The following MYO5B variants were observed in gnomAD, a reference collection of about 807,000 sequenced individuals.
MYO5B encodes myosin VB.
In MYO5B, 143 loss-of-function variants were observed where a neutral mutation model predicts 229.3. That is an observed-to-expected ratio of 0.62 (90% CI 0.54 to 0.72). MYO5B has a LOEUF of 0.72. Ranked by LOEUF, MYO5B falls within the 30% of genes least tolerant of loss-of-function variation. The pLI is 0.00. For synonymous variants in MYO5B, 918 were observed against 885.2 expected, an observed-to-expected ratio of 1.04 and a Z score of -0.66; for missense variants, 2,321 against 2,331.0, an observed-to-expected ratio of 1.00 and a Z score of 0.09.
chr18:50,121,071 T>C (rs552745464), intron 1 of MYO5B, among the ~76,000 whole-genome samples: 164 of 152,304 alleles, frequency 1.1e-3, no homozygotes, highest in South Asian at 4.6e-3. Context: ...ATATCTGAGA[T>C]GCTTTCCCTT....
At chr18:49,918,031 T>C (rs891233718) in intron 17 of MYO5B, among the ~76,000 whole-genome samples, 9 of 152,200 alleles carry the variant, frequency 5.9e-5, no homozygotes, top group African/African-American at 1.9e-4. Context: ...TCTGGAAAGA[T>C]GTTTCCTTGT....
chr18:49,934,596 C>G (rs1041318443), intron 16 of MYO5B, among the ~76,000 whole-genome samples: 1 of 152,206 alleles, frequency 6.6e-6, no homozygotes, highest in African/African-American at 2.4e-5. Flanking sequence ...CTGCACAGCA[C>G]TCTGCCCTTC....
rs755540100 is a variant in MYO5B, at chr18:49,853,490, C to T, written c.4180G>A (p.Gly1394Ser). The part of the protein sequence containing the change: ...LLSPEAQVEF[G>S]VQQEISRLTN... Reference sequence around the variant, plus strand: ...AGCCGGGATATTTCCTGCTGAACGCCGAATTCCACCTGGGCCTCTGGGGAG... The same window carrying T: ...AGCCGGGATATTTCCTGCTGAACGCTGAATTCCACCTGGGCCTCTGGGGAG... Residue 1394 changes from glycine (G) to serine (S), a missense_variant, in exon 31 of 40, where the codon GGC (glycine) becomes AGC (serine). Gly to Ser is a moderately conservative substitution (Grantham distance 56, BLOSUM62 0). This residue lies in a region of MYO5B where 2,113 missense variants were observed against 2,044.7 expected (regional missense o/e 1.03). Coordinates refer to ENST00000285039, the MANE Select transcript of MYO5B (RefSeq NM_001080467.3). 20 of 1,614,164 alleles carry T rather than the reference C, an allele frequency of 1.2e-5. No individual in the cohort carries two copies. The highest frequency in any genetic ancestry group is 2.2e-5 in the South Asian group (2 of 91,076).
chr18:50,171,394 G>C (rs115278317), intron 1 of MYO5B, among the ~76,000 whole-genome samples: 2,863 of 127,178 alleles, frequency 0.023, 779 homozygotes, highest in African/African-American at 0.081. Context: ...AGGGCTTATA[G>C]AGAAGCTGCA....
At chr18:49,852,917 T>G (rs2024218367) in intron 31 of MYO5B, among the ~76,000 whole-genome samples, 1 of 152,230 alleles carries the variant, frequency 6.6e-6, no homozygotes, top group South Asian at 2.1e-4. Flanking sequence ...CTTCCCCTAC[T>G]GACCAATCTG....
chr18:49,962,637 T>C (rs2025573141), intron 11 of MYO5B, among the ~76,000 whole-genome samples: 1 of 152,166 alleles, frequency 6.6e-6, no homozygotes, highest in South Asian at 2.1e-4. Context: ...AGTTGCCGTA[T>C]TCCCATTCAA....
chr18:49,966,260 C>T (rs2025624377), intron 10 of MYO5B, among the ~76,000 whole-genome samples: 1 of 152,158 alleles, frequency 6.6e-6, no homozygotes, highest in Non-Finnish European at 1.5e-5. Flanking sequence ...TGGAGACAAA[C>T]CACATTAAAG....
At chr18:49,861,763 CCTT>C (rs2024332646) in intron 29 of MYO5B, among the ~76,000 whole-genome samples, 1 of 152,126 alleles carries the variant, frequency 6.6e-6, no homozygotes. Flanking sequence ...GCCTCAGTCT[CCTT>C]CTCTGCAGAA....
At chr18:50,162,029 C>T (rs569612967) in intron 1 of MYO5B, among the ~76,000 whole-genome samples, 2 of 152,350 alleles carry the variant, frequency 1.3e-5, no homozygotes, top group South Asian at 4.1e-4. Flanking sequence ...CTGCGTGCAA[C>T]GCAGATGGCC....
At chr18:50,124,063 C>G (rs773186017) in intron 1 of MYO5B, among the ~76,000 whole-genome samples, 1 of 152,120 alleles carries the variant, frequency 6.6e-6, no homozygotes, top group African/African-American at 2.4e-5. Flanking sequence ...TGTGCTTTTG[C>G]GCTTAGTAAA....
intron 27 of MYO5B, among the ~76,000 whole-genome samples, chr18:49,864,803 TA>T (rs926964790): frequency 6.6e-5 from 10 of 152,342 alleles, no homozygotes; most frequent in African/African-American, 2.2e-4. Flanking sequence ...TTCCTAAACT[TA>T]TTTGCCCAGA....
chr18:49,921,382 G>A (rs2025073904), intron 17 of MYO5B, among the ~76,000 whole-genome samples: 1 of 151,870 alleles, frequency 6.6e-6, no homozygotes, highest in Non-Finnish European at 1.5e-5. Context: ...TGACTCTCTG[G>A]AGAGGGAGAC....
intron 22 of MYO5B, among the ~76,000 whole-genome samples, chr18:49,890,182 C>T (rs1423320386): frequency 6.6e-6 from 1 of 152,224 alleles, no homozygotes; most frequent in African/African-American, 2.4e-5. Context: ...AGCCAGCTAA[C>T]ACAGCTGTTG....
intron 10 of MYO5B, among the ~76,000 whole-genome samples, chr18:49,968,902 T>C (rs1163561003): frequency 1.3e-5 from 2 of 152,124 alleles, no homozygotes; most frequent in African/African-American, 4.8e-5. Flanking sequence ...AGAGAGAACA[T>C]GGAACTTCAT....
chr18:49,948,871 G>C (rs748107900), intron 14 of MYO5B, among the ~76,000 whole-genome samples: 1 of 152,292 alleles, frequency 6.6e-6, no homozygotes, highest in East Asian at 1.9e-4. Context: ...GTTCAGTCTG[G>C]TGAATTTGTA....
At chr18:49,857,863 G>T (rs1004328949) in intron 29 of MYO5B, among the ~76,000 whole-genome samples, 1 of 152,132 alleles carries the variant, frequency 6.6e-6, no homozygotes, top group Non-Finnish European at 1.5e-5. Flanking sequence ...GGGCAGGTAG[G>T]GGCCTGCTGC....
intron 14 of MYO5B, among the ~76,000 whole-genome samples, chr18:49,950,119 G>T (rs1465363826): frequency 2.0e-5 from 3 of 152,186 alleles, no homozygotes; most frequent in Non-Finnish European, 4.4e-5. Flanking sequence ...GCTCAGGGTA[G>T]AGAGTTCTCA....
intron 22 of MYO5B, among the ~76,000 whole-genome samples, chr18:49,889,914 C>T (rs2024689392): frequency 6.6e-6 from 1 of 152,182 alleles, no homozygotes; most frequent in Non-Finnish European, 1.5e-5. Flanking sequence ...AGGCTTGTTG[C>T]TTCCCTCTGT....
intron 14 of MYO5B, among the ~76,000 whole-genome samples, chr18:49,938,912 T>TC (rs11451184): frequency 0.71 from 108,153 of 151,366 alleles, 39,077 homozygotes; most frequent in Middle Eastern, 0.84. Context: ...TGTCTGTGTC[T>TC]CCCACAGGCT....
Sources: gnomAD v4.1 joint callset for allele counts (sites outside exome capture counted in the v4.1 genomes callset) on GRCh38, gnomAD v4.1.1 for gene constraint, gnomAD v4.1.1 regional missense constraint, MANE v1.5 for transcripts, NCBI Gene and HGNC (gene_info 2026-07-23, HGNC 2026-07-21) for gene names.